RBFOX1: variants seen among roughly 807,000 people sequenced by gnomAD.
The protein encoded by RBFOX1 is RNA binding protein fox-1 homolog 1.
RBFOX1 carries 8 observed loss-of-function variants against 57.7 expected under a neutral mutation model. That is an observed-to-expected ratio of 0.14 (90% CI 0.08 to 0.25). RBFOX1 has a LOEUF of 0.25. Among genes scored for constraint, RBFOX1 ranks in the 10% least tolerant of loss-of-function variants. RBFOX1 has a pLI of 1.00. For missense variants in RBFOX1, 611 were observed against 548.5 expected, an observed-to-expected ratio of 1.11 and a Z score of -1.14; for synonymous variants, 326 against 222.4, an observed-to-expected ratio of 1.47 and a Z score of -4.15.
rs568702065 is a variant in RBFOX1, at chr16:6,676,616, C to G, written c.-16+21966C>G. ...AGCTCGGAAAAAAGGATACCAGGAG[C>G]CTTTACAGATGTTATTCTCAACTTA... On this transcript the variant is annotated intron_variant, in intron 3 of 15. Transcript: ENST00000550418. Among the ~76,000 whole-genome samples, 5 of 151,624 alleles carry G rather than the reference C, an allele frequency of 3.3e-5. No individual in the cohort carries two copies. The South Asian group carries it at 8.4e-4, about 25-fold the overall frequency.
chr16:5,461,822 G>A (rs908964588), intron 1 of RBFOX1, among the ~76,000 whole-genome samples: 2 of 152,284 alleles, frequency 1.3e-5, no homozygotes, highest in Non-Finnish European at 1.5e-5. Context: ...CTCATTAATT[G>A]TCTTTCTGAG....
chr16:7,333,430 A>G (rs1002939817), intron 4 of RBFOX1, among the ~76,000 whole-genome samples: 2 of 152,228 alleles, frequency 1.3e-5, no homozygotes, highest in Non-Finnish European at 2.9e-5. Flanking sequence ...ATCATGAGAC[A>G]AAGTAACTTA....
At chr16:6,081,499 C>T (rs1001440170) in intron 1 of RBFOX1, among the ~76,000 whole-genome samples, 24 of 152,154 alleles carry the variant, frequency 1.6e-4, no homozygotes, top group African/African-American at 5.1e-4. Flanking sequence ...TTCCCCTTTT[C>T]AATATTGTAG....
intron 1 of RBFOX1, among the ~76,000 whole-genome samples, chr16:6,117,944 C>A (rs1041186268): frequency 1.3e-5 from 2 of 151,970 alleles, no homozygotes; most frequent in Non-Finnish European, 2.9e-5. Context: ...GGTGATAAAG[C>A]GAAATATTTC....
chr16:5,890,280 G>A (rs968508463), intron 4 of RBFOX1, among the ~76,000 whole-genome samples: 5 of 152,132 alleles, frequency 3.3e-5, no homozygotes, highest in Non-Finnish European at 7.3e-5. Context: ...GCAGACACTG[G>A]GCAAGGTGCC....
chr16:6,960,741 G>A (rs1207447760), intron 3 of RBFOX1, among the ~76,000 whole-genome samples: 3 of 152,006 alleles, frequency 2.0e-5, no homozygotes, highest in African/African-American at 4.8e-5. Flanking sequence ...CACTGCAAGA[G>A]GGTACAGAAC....
At chr16:7,454,239 AC>A (rs961729208) in intron 4 of RBFOX1, among the ~76,000 whole-genome samples, 28 of 151,614 alleles carry the variant, frequency 1.8e-4, no homozygotes, top group Admixed American at 5.3e-4. Context: ...TCCCCCACCA[AC>A]CCCCCCAAAA....
intron 4 of RBFOX1, among the ~76,000 whole-genome samples, chr16:7,359,616 C>G (rs1316246583): frequency 6.6e-6 from 1 of 152,194 alleles, no homozygotes; most frequent in Non-Finnish European, 1.5e-5. Flanking sequence ...TTTGCTTCCC[C>G]TGTCCACAAT....
chr16:6,848,132 C>T (rs555566778), intron 3 of RBFOX1, among the ~76,000 whole-genome samples: 9 of 152,132 alleles, frequency 5.9e-5, no homozygotes, highest in Admixed American at 5.9e-4. Flanking sequence ...TGTGCCCGAT[C>T]CAAGACTGTC....
In RBFOX1 at chr16:6,730,310, A is replaced by G. The variant is rs75712700; in HGVS notation, c.-16+75660A>G. 5.5e-4 allele frequency among the ~76,000 whole-genome samples: 83 copies of G among 152,206 alleles called. No individual in the cohort carries two copies. The East Asian group carries it at 0.012, about 22-fold the overall frequency. On this transcript the variant is annotated intron_variant, in intron 3 of 15. Coordinates refer to ENST00000550418, the MANE Select transcript of RBFOX1 (RefSeq NM_018723.4). The stretch of plus-strand genomic sequence containing the variant: ...GGTAGCAATGGTGAGAATCCCTTGA[A>G]TCTCATTCTTGCCCAATTTAGAATA...
intron 2 of RBFOX1, among the ~76,000 whole-genome samples, chr16:6,467,119 ATTACAG>A (rs1363531211): frequency 6.6e-6 from 1 of 150,996 alleles, no homozygotes; most frequent in Non-Finnish European, 1.5e-5. Context: ...TAATATATGA[ATTACAG>A]TTAGTGTAAT....
intron 2 of RBFOX1, among the ~76,000 whole-genome samples, chr16:6,531,096 A>G (rs1414102351): frequency 6.6e-6 from 1 of 152,182 alleles, no homozygotes; most frequent in Non-Finnish European, 1.5e-5. Context: ...GAACTGCATG[A>G]GTGACAGTCA....
At chr16:5,527,585 A>G (rs1597403275) in intron 2 of RBFOX1, among the ~76,000 whole-genome samples, 1 of 152,276 alleles carries the variant, frequency 6.6e-6, no homozygotes, top group Non-Finnish European at 1.5e-5. Context: ...GCAGCTGGTG[A>G]TGCGTCTAAT....
At chr16:6,134,339 C>G (rs912873325) in intron 1 of RBFOX1, among the ~76,000 whole-genome samples, 1 of 152,168 alleles carries the variant, frequency 6.6e-6, no homozygotes, top group South Asian at 2.1e-4. Context: ...TCTGCAAGCA[C>G]AAAAGAGGAT....
At chr16:5,683,799 A>T (rs1181976764) in intron 3 of RBFOX1, among the ~76,000 whole-genome samples, 2 of 148,092 alleles carry the variant, frequency 1.4e-5, no homozygotes, top group African/African-American at 2.5e-5. Flanking sequence ...TATATGTTTT[A>T]TATATTATAT....
At position 6,897,087 on chromosome 16, in the gene RBFOX1, C is replaced by G. The variant is rs545761899; in HGVS notation, c.-15-154970C>G. 7.9e-5 allele frequency among the ~76,000 whole-genome samples: 12 copies of G among 152,214 alleles called. 1 individual carries two copies. In the South Asian group the frequency reaches 8.3e-4, roughly 11 times the overall value. On this transcript the variant is annotated intron_variant, in intron 3 of 15. Coordinates refer to ENST00000550418, the MANE Select transcript of RBFOX1 (RefSeq NM_018723.4). ...TGCTGGCAGCACCTGAGGAAGGGAG[C>G]AATGGATGGGGCTATTTATATTTGG... is the stretch of plus-strand genomic sequence containing the variant.
intron 2 of RBFOX1, among the ~76,000 whole-genome samples, chr16:6,482,094 A>G (rs1013573077): frequency 6.6e-6 from 1 of 152,254 alleles, no homozygotes; most frequent in Non-Finnish European, 1.5e-5. Context: ...TTGCTTACCA[A>G]TGCATAAAAT....
chr16:6,925,204 G>A (rs1174917775), intron 3 of RBFOX1, among the ~76,000 whole-genome samples: 3 of 120,380 alleles, frequency 2.5e-5, no homozygotes, highest in South Asian at 2.8e-4. Context: ...TATGATCTCA[G>A]CTCACTGAAG....
At chr16:6,050,860 G>A (rs565717095) in intron 1 of RBFOX1, among the ~76,000 whole-genome samples, 92 of 151,708 alleles carry the variant, frequency 6.1e-4, no homozygotes, top group African/African-American at 2.2e-3. Flanking sequence ...TACTACAAAT[G>A]CAGGGATGGA....
Sources: allele counts gnomAD v4.1 joint callset (sites outside exome capture counted in the v4.1 genomes callset), GRCh38; gene constraint gnomAD v4.1.1; transcripts MANE v1.5; gene names NCBI Gene and HGNC (gene_info 2026-07-23, HGNC 2026-07-21).